Variants in GALNTL6 observed in about 807,000 individuals in gnomAD.
GALNTL6 encodes the protein polypeptide N-acetylgalactosaminyltransferase like 6.
GALNTL6 carries 46 observed loss-of-function variants against 73.7 expected under a neutral mutation model. The observed-to-expected ratio is 0.62, with a 90% CI of 0.49 to 0.80. GALNTL6 has a LOEUF of 0.80. GALNTL6 is among the 30% of genes least tolerant of loss of function. The pLI is 0.00. For synonymous variants in GALNTL6, 259 were observed against 263.7 expected, an observed-to-expected ratio of 0.98 and a Z score of 0.17; for missense variants, 604 against 755.0, an observed-to-expected ratio of 0.80 and a Z score of 2.34.
chr4:172,953,665 C>T (rs937072014), intron 10 of GALNTL6, among the ~76,000 whole-genome samples: 1 of 152,164 alleles, frequency 6.6e-6, no homozygotes, highest in Non-Finnish European at 1.5e-5. Context: ...TTCAGAGGGT[C>T]ACTCTTCATA....
intron 9 of GALNTL6, among the ~76,000 whole-genome samples, chr4:172,942,181 T>G (rs1748948234): frequency 6.6e-6 from 1 of 152,196 alleles, no homozygotes; most frequent in Admixed American, 6.5e-5. Context: ...GAAATAAAAT[T>G]TTGCAGATTA....
Position 172,174,785 on chromosome 4 carries a change from C to T in GALNTL6, c.139-54871C>T, listed in dbSNP as rs989671367. 6.6e-5 allele frequency among the ~76,000 whole-genome samples: 10 copies of T among 151,980 alleles called. No homozygotes were observed. In the South Asian group the frequency reaches 1.9e-3, roughly 28 times the overall value. On this transcript the variant is annotated intron_variant, in intron 2 of 12. Coordinates refer to ENST00000506823, the MANE Select transcript of GALNTL6 (RefSeq NM_001034845.3). Reference sequence around the variant, plus strand: ...TTCTTGCACACCGGGAAGCATACCTCGAGAAAGATGATATGTACACAAAAT... The same window carrying T: ...TTCTTGCACACCGGGAAGCATACCTTGAGAAAGATGATATGTACACAAAAT...
At chr4:171,864,355 C>T (rs139692182) in intron 2 of GALNTL6, among the ~76,000 whole-genome samples, 1 of 147,982 alleles carries the variant, frequency 6.8e-6, no homozygotes, top group East Asian at 2.0e-4. Flanking sequence ...ACAACTCAGT[C>T]TATGATAAAT....
intron 5 of GALNTL6, among the ~76,000 whole-genome samples, chr4:172,474,332 A>T (rs1733158368): frequency 6.6e-6 from 1 of 152,066 alleles, no homozygotes; most frequent in South Asian, 2.1e-4. Flanking sequence ...TTCCTGATTC[A>T]TGCTTCCTTT....
chr4:172,162,441 T>G (rs1405724774), intron 2 of GALNTL6, among the ~76,000 whole-genome samples: 2 of 151,948 alleles, frequency 1.3e-5, no homozygotes, highest in East Asian at 3.9e-4. Flanking sequence ...CTGGTACATC[T>G]CTGAAAAAAC....
At chr4:172,260,836 T>A (rs1188696610) in intron 3 of GALNTL6, among the ~76,000 whole-genome samples, 1 of 151,230 alleles carries the variant, frequency 6.6e-6, no homozygotes, top group African/African-American at 2.4e-5. Context: ...ATTTCAAATG[T>A]TTTCTCTGTG....
intron 5 of GALNTL6, among the ~76,000 whole-genome samples, chr4:172,432,517 A>G (rs1731492397): frequency 6.6e-6 from 1 of 152,092 alleles, no homozygotes; most frequent in South Asian, 2.1e-4. Flanking sequence ...AGAAATTTAA[A>G]TAATTTAAGA....
chr4:172,284,109 C>A (rs1739166462), intron 3 of GALNTL6, among the ~76,000 whole-genome samples: 1 of 152,040 alleles, frequency 6.6e-6, no homozygotes, highest in African/African-American at 2.4e-5. Flanking sequence ...CTCCAGGATT[C>A]TTCATTAAAA....
intron 4 of GALNTL6, among the ~76,000 whole-genome samples, chr4:172,340,738 A>G (rs1741530148): frequency 6.6e-6 from 1 of 152,102 alleles, no homozygotes; most frequent in Non-Finnish European, 1.5e-5. Context: ...CTGAGATAAA[A>G]CCCGTCTAAC....
Position 172,753,890 on chromosome 4 carries a change from A to G in GALNTL6, c.554-55471A>G, listed in dbSNP as rs183426746. ...GAAGATTTAGTAGAGGCCCTTAACTACAAAGATGCCCACGAGCAGCTCTGC... is the reference window on the plus strand; with the variant it reads ...GAAGATTTAGTAGAGGCCCTTAACTGCAAAGATGCCCACGAGCAGCTCTGC... On this transcript the variant is annotated intron_variant, in intron 5 of 12. Transcript: ENST00000506823. Among the ~76,000 whole-genome samples the G allele has an allele frequency of 3.0e-3, 459 of 152,298 alleles. 1 individual carries two copies. Among genetic ancestry groups the G allele is most frequent in the Middle Eastern group, 0.014 (4 of 294 alleles).
intron 5 of GALNTL6, among the ~76,000 whole-genome samples, chr4:172,666,404 A>G (rs1267371781): frequency 6.6e-6 from 1 of 152,218 alleles, no homozygotes; most frequent in Non-Finnish European, 1.5e-5. Context: ...ACAGCTAGGA[A>G]AGGCCATGAA....
At chr4:172,289,216 G>C (rs1248739778) in intron 3 of GALNTL6, among the ~76,000 whole-genome samples, 1 of 152,098 alleles carries the variant, frequency 6.6e-6, no homozygotes, top group Non-Finnish European at 1.5e-5. Flanking sequence ...TGTTACTGGA[G>C]AAAAATTAAG....
intron 12 of GALNTL6, among the ~76,000 whole-genome samples, chr4:173,032,139 G>A (rs1454208749): frequency 2.0e-5 from 3 of 152,212 alleles, no homozygotes; most frequent in Non-Finnish European, 2.9e-5. Flanking sequence ...AAAAGTCATT[G>A]CAGTTTTTAC....
intron 8 of GALNTL6, among the ~76,000 whole-genome samples, chr4:172,920,026 C>G (rs1256250413): frequency 6.6e-6 from 1 of 152,136 alleles, no homozygotes; most frequent in Non-Finnish European, 1.5e-5. Flanking sequence ...ACCACTCAAA[C>G]CTCTAGAAAC....
chr4:172,588,905 T>C (rs1737530092), intron 5 of GALNTL6, among the ~76,000 whole-genome samples: 1 of 152,182 alleles, frequency 6.6e-6, no homozygotes, highest in South Asian at 2.1e-4. Flanking sequence ...AGAAGGTTTA[T>C]GTGGAGAAAA....
In GALNTL6 at chr4:172,834,809, A is replaced by G. The variant is rs565870364; in HGVS notation, c.923+21086A>G. ...ACCCTGGAGGAGCCTGAAGCAAAGC[A>G]GGGAGAAATGGTGATATGAGGAGAA... On this transcript the variant is annotated intron_variant, in intron 7 of 12. Coordinates refer to ENST00000506823, the MANE Select transcript of GALNTL6 (RefSeq NM_001034845.3). Among the ~76,000 whole-genome samples, 423 of 152,342 alleles carry G rather than the reference A, an allele frequency of 2.8e-3. 1 individual carries two copies. Among genetic ancestry groups the G allele is most frequent in the African/African-American group, 9.5e-3 (397 of 41,592 alleles).
Position 172,918,679 on chromosome 4 carries a change from A to AT in GALNTL6, c.1042-12481dup, listed in dbSNP as rs1403417158. On this transcript the variant is annotated intron_variant, in intron 8 of 12. Transcript: ENST00000506823. ...ATAGGCTGTCCACTAGGTAGACTAT[A>AT]TCGTGTAATCACCATTCTTGAGTAC... Among the ~76,000 whole-genome samples the AT allele has an allele frequency of 3.9e-5, 6 of 152,326 alleles. No individual in the cohort carries two copies. In the East Asian group the frequency reaches 1.2e-3, roughly 29 times the overall value.
intron 2 of GALNTL6, among the ~76,000 whole-genome samples, chr4:172,028,226 T>C (rs1741651445): frequency 6.6e-6 from 1 of 151,758 alleles, no homozygotes; most frequent in South Asian, 2.1e-4. Flanking sequence ...GAAAAGAGAT[T>C]GGGAGTAGTT....
intron 5 of GALNTL6, among the ~76,000 whole-genome samples, chr4:172,427,554 G>A (rs2111374678): frequency 6.6e-6 from 1 of 152,230 alleles, no homozygotes; most frequent in South Asian, 2.1e-4. Context: ...AGATGTTTAT[G>A]TGTCAGACAT....
Sources: allele counts gnomAD v4.1 joint callset (sites outside exome capture counted in the v4.1 genomes callset), GRCh38; gene constraint gnomAD v4.1.1; transcripts MANE v1.5; gene names NCBI Gene and HGNC (gene_info 2026-07-23, HGNC 2026-07-21).